The following ZFP64 variants were observed in gnomAD, a reference collection of about 807,000 sequenced individuals.
ZFP64 encodes ZFP64 zinc finger protein.
In ZFP64, 14 loss-of-function variants were observed where a neutral mutation model predicts 51.6. The observed-to-expected ratio is 0.27, with a 90% CI of 0.18 to 0.42. The LOEUF (loss-of-function observed/expected upper bound fraction) is 0.42. Among genes scored for constraint, ZFP64 ranks in the 10% least tolerant of loss-of-function variants. The pLI is 1.00. For missense variants in ZFP64, 754 were observed against 906.8 expected (o/e 0.83, Z 2.16); for synonymous variants, 375 against 361.4 (o/e 1.04, Z -0.43).
chr20:52,085,001 T>G lies in ZFP64; in HGVS notation c.1494A>C (p.Pro498=), dbSNP rs771316745. The G allele has an allele frequency of 1.2e-6, 2 of 1,614,116 alleles. No homozygotes were observed. The highest frequency in any genetic ancestry group is 8.5e-7 in the Non-Finnish European group (1 of 1,180,040). Residue 498 remains proline, a synonymous_variant, in exon 9 of 9, where the codon CCA becomes CCC. Coordinates refer to the ZFP64 transcript ENST00000361387. The surrounding 1 kb of genome is among the most constrained non-coding windows in gnomAD (Gnocchi z 4.3). ...CGCTGGAGCAGGAGTAGCTGCACTC[T>G]GGACACTTCTCCGGGTGGTCGGCCT...
chr20:52,095,754 G>A (rs73128391), intron 7 of ZFP64, among the ~76,000 whole-genome samples: 2,160 of 152,248 alleles, frequency 0.014, 21 homozygotes, highest in Middle Eastern at 0.044. Context: ...TACATCTCTT[G>A]GGGTCGAACC....
intron 5 of ZFP64, among the ~76,000 whole-genome samples, chr20:52,138,756 A>G (rs1980109143): frequency 6.6e-6 from 1 of 152,212 alleles, no homozygotes; most frequent in South Asian, 2.1e-4. Context: ...CCAAATAGAT[A>G]CAAACTAAGA....
chr20:52,120,740 G>A (rs1979149462), intron 5 of ZFP64, among the ~76,000 whole-genome samples: 1 of 129,260 alleles, frequency 7.7e-6, no homozygotes, highest in Non-Finnish European at 1.5e-5. Context: ...GCAGTGGCGT[G>A]ATCTCGGCTC....
chr20:52,161,450 CTTTTTTTT>C (rs11469696), intron 4 of ZFP64, among the ~76,000 whole-genome samples: 5 of 115,184 alleles, frequency 4.3e-5, no homozygotes, highest in Admixed American at 3.7e-4. Context: ...TGATTGCTTT[CTTTTTTTT>C]TTTTTTTTTT....
chr20:52,145,208 C>A (rs982559106), intron 5 of ZFP64, among the ~76,000 whole-genome samples: 13 of 152,166 alleles, frequency 8.5e-5, no homozygotes, highest in African/African-American at 2.9e-4. Flanking sequence ...ACAGTCGTTG[C>A]CACTTATCAA....
In ZFP64 at chr20:52,191,640, C is replaced by T; in HGVS notation, c.-4G>A. The stretch of plus-strand genomic sequence containing the variant: ...CGCCCTCGCTGCTCGCGTTCATGGC[C>T]GCAGACTGGGAGGTCCCCGGCCGGC... On this transcript the variant is annotated 5_prime_UTR_variant, in exon 1 of 6. Transcript: ENST00000216923. The surrounding 1 kb of genome is among the most constrained non-coding windows in gnomAD (Gnocchi z 4.3). The T allele has an allele frequency of 6.3e-7, 1 of 1,586,972 alleles. No homozygotes were observed.
intron 8 of ZFP64, among the ~76,000 whole-genome samples, chr20:52,086,379 A>G (rs2078864068): frequency 6.6e-6 from 1 of 152,164 alleles, no homozygotes. Flanking sequence ...ATTTGGGGGC[A>G]CATTTTAACT....
At chr20:52,121,730 A>G (rs951785816) in intron 5 of ZFP64, among the ~76,000 whole-genome samples, 2 of 152,258 alleles carry the variant, frequency 1.3e-5, no homozygotes, top group Non-Finnish European at 2.9e-5. Context: ...ACTGAGCAAC[A>G]GATTTCCAAT....
chr20:52,154,605 G>A (rs1386620076), intron 5 of ZFP64, among the ~76,000 whole-genome samples: 3 of 152,090 alleles, frequency 2.0e-5, no homozygotes, highest in Non-Finnish European at 4.4e-5. Flanking sequence ...AAACAAAGAT[G>A]GCAGGAGGCA....
chr20:52,110,781 G>A, intron 5 of ZFP64: 1 of 1,591,956 alleles, frequency 6.3e-7, no homozygotes. Context: ...AGAGGTAGAA[G>A]ACTGGGTAGC....
chr20:52,157,177 G>A (rs1400045517), intron 5 of ZFP64, among the ~76,000 whole-genome samples: 1 of 152,160 alleles, frequency 6.6e-6, no homozygotes, highest in Admixed American at 6.5e-5. Context: ...AATTAAGAAT[G>A]GTGAGAATTA....
chr20:52,175,461 G>A (rs1373079768), intron 2 of ZFP64, among the ~76,000 whole-genome samples: 1 of 152,152 alleles, frequency 6.6e-6, no homozygotes, highest in African/African-American at 2.4e-5. Flanking sequence ...ATTTTTTTGT[G>A]TATGTTGTTT....
downstream of ZFP64, among the ~76,000 whole-genome samples, chr20:52,150,204 C>CAA (rs11474043): frequency 0.2 from 28,053 of 137,280 alleles, 3,053 homozygotes; most frequent in Admixed American, 0.26. Context: ...GACTCCACCT[C>CAA]AAAAAAAAAA....
At chr20:52,097,579 T>A in intron 6 of ZFP64, 1 of 709,632 alleles carries the variant, frequency 1.4e-6, no homozygotes, top group Non-Finnish European at 2.3e-6. Context: ...TTCAGCCTCC[T>A]GAGTAGCTGG....
chr20:52,162,381 C>T (rs1885871933), intron 4 of ZFP64, among the ~76,000 whole-genome samples: 1 of 151,936 alleles, frequency 6.6e-6, no homozygotes, highest in Non-Finnish European at 1.5e-5. Context: ...AATCCCAGCA[C>T]TTTGGGAGGC....
intron 5 of ZFP64, among the ~76,000 whole-genome samples, chr20:52,127,268 G>A (rs906097163): frequency 4.0e-5 from 6 of 151,852 alleles, no homozygotes; most frequent in Non-Finnish European, 5.9e-5. Flanking sequence ...TTTTTTTAAA[G>A]GAAGTGATAC....
At chr20:52,169,636 G>A (rs576033386) in intron 2 of ZFP64, among the ~76,000 whole-genome samples, 3 of 152,230 alleles carry the variant, frequency 2.0e-5, no homozygotes, top group East Asian at 1.9e-4. Context: ...CACAGCAGAG[G>A]GAAACACAGG....
At chr20:52,121,271 A>G (rs1979177832) in intron 5 of ZFP64, among the ~76,000 whole-genome samples, 1 of 152,230 alleles carries the variant, frequency 6.6e-6, no homozygotes, top group South Asian at 2.1e-4. Context: ...TGAGAAAGGC[A>G]TGTCAAAAGC....
At chr20:52,107,022 C>T (rs1392369703) in intron 5 of ZFP64, among the ~76,000 whole-genome samples, 1 of 152,098 alleles carries the variant, frequency 6.6e-6, no homozygotes, top group Non-Finnish European at 1.5e-5. Context: ...CACTTGAACC[C>T]GGGAGGTGGA....
Sources: allele counts gnomAD v4.1 joint callset (sites outside exome capture counted in the v4.1 genomes callset), GRCh38; gene constraint gnomAD v4.1.1; non-coding constraint Gnocchi (gnomAD v3.1); transcripts MANE v1.5; gene names NCBI Gene and HGNC (gene_info 2026-07-23, HGNC 2026-07-21).